NTN1: variants seen among roughly 807,000 people sequenced by gnomAD.
NTN1 encodes the protein netrin 1, also known as netrin-1.
In NTN1, 11 loss-of-function variants were observed where a neutral mutation model predicts 54.2. The observed-to-expected ratio is 0.20, with a 90% CI of 0.13 to 0.34. The LOEUF is 0.34. NTN1 is among the 10% of genes least tolerant of loss of function. NTN1 has a pLI of 1.00. For missense variants in NTN1, 740 were observed against 893.1 expected (o/e 0.83, Z 2.18); for synonymous variants, 371 against 382.0 (o/e 0.97, Z 0.33).
Position 9,180,201 on chromosome 17 carries a change from G to A in NTN1, c.1357+245G>A, listed in dbSNP as rs139152681. Among the ~76,000 whole-genome samples the A allele has an allele frequency of 4.1e-3, 629 of 152,332 alleles. 3 individuals carry two copies. The highest frequency in any genetic ancestry group is 6.8e-3 in the Middle Eastern group (2 of 294). ...TTACAGGCGCAAGCCTTCATGCCCC[G>A]CTGATTTTTGTCTTTTTAATAGAGA... On this transcript the variant is annotated intron_variant, in intron 4 of 6. Transcript: ENST00000173229.
intron 2 of NTN1, among the ~76,000 whole-genome samples, chr17:9,155,704 G>A (rs2092339909): frequency 1.3e-5 from 2 of 152,216 alleles, no homozygotes; most frequent in South Asian, 2.1e-4. Context: ...AGGCAAAGGG[G>A]ATTAAACATT....
chr17:9,114,482 T>C (rs2092204070), intron 2 of NTN1, among the ~76,000 whole-genome samples: 1 of 149,368 alleles, frequency 6.7e-6, no homozygotes, highest in South Asian at 2.1e-4. Context: ...GGCCGGGCAC[T>C]GTGGCTCACA....
rs1054305828 is a variant in NTN1, at chr17:9,166,843, C to T, written c.1207+3842C>T. Among the ~76,000 whole-genome samples, 5 of 152,264 alleles carry T rather than the reference C, an allele frequency of 3.3e-5. No homozygotes were observed. In the East Asian group the frequency reaches 5.8e-4, roughly 18 times the overall value. On this transcript the variant is annotated intron_variant, in intron 3 of 6. Transcript: ENST00000173229. ...ACTTTACAGGGCCTGGGCAGGGGGC[C>T]GAGGCCACCCATATGCTGCTGGTGA...
At chr17:9,044,587 T>A (rs1291619640) in intron 2 of NTN1, among the ~76,000 whole-genome samples, 2 of 152,118 alleles carry the variant, frequency 1.3e-5, no homozygotes, top group South Asian at 2.1e-4. Flanking sequence ...AATAATCTCA[T>A]GTGTATGTAA....
At chr17:9,170,128 A>G (rs929666683) in intron 3 of NTN1, among the ~76,000 whole-genome samples, 1 of 152,146 alleles carries the variant, frequency 6.6e-6, no homozygotes, top group African/African-American at 2.4e-5. Flanking sequence ...ACTTGGTGTT[A>G]TTCAGACCAC....
intron 5 of NTN1, among the ~76,000 whole-genome samples, chr17:9,220,912 C>T (rs1905324181): frequency 1.4e-5 from 1 of 73,486 alleles, no homozygotes; most frequent in South Asian, 5.3e-4. Context: ...TCACGGAGGC[C>T]AGGGTGGTTG....
At chr17:9,089,266 T>A (rs1263261684) in intron 2 of NTN1, among the ~76,000 whole-genome samples, 1 of 152,010 alleles carries the variant, frequency 6.6e-6, no homozygotes, top group Non-Finnish European at 1.5e-5. Context: ...TACAAAAAAG[T>A]TAGCCAGGTG....
chr17:9,191,182 C>T (rs891315973), intron 5 of NTN1, among the ~76,000 whole-genome samples: 13 of 152,118 alleles, frequency 8.5e-5, no homozygotes, highest in African/African-American at 3.1e-4. Context: ...TAAGCGGAGC[C>T]GGGCGTGGTG....
At chr17:9,009,333 C>T in the NTN1 span, among the ~76,000 whole-genome samples, 1 of 152,228 alleles carries the variant, frequency 6.6e-6, no homozygotes, top group Non-Finnish European at 1.5e-5. Flanking sequence ...CCCCATAAAG[C>T]AGGTGCTTGG....
chr17:9,230,525 A>G (rs936671749), intron 6 of NTN1, among the ~76,000 whole-genome samples: 1 of 150,130 alleles, frequency 6.7e-6, no homozygotes, highest in Non-Finnish European at 1.5e-5. Flanking sequence ...GAGGTCGTGG[A>G]ATGCGGGTGA....
intron 2 of NTN1, among the ~76,000 whole-genome samples, chr17:9,054,738 AG>A (rs2091973286): frequency 6.6e-6 from 1 of 151,860 alleles, no homozygotes; most frequent in Non-Finnish European, 1.5e-5. Context: ...GCTATGTTTC[AG>A]CCTGAGCCTC....
At chr17:9,189,738 A>AT (rs1431619276) in intron 5 of NTN1, among the ~76,000 whole-genome samples, 1 of 152,206 alleles carries the variant, frequency 6.6e-6, no homozygotes, top group African/African-American at 2.4e-5. Flanking sequence ...AAACTCAAGT[A>AT]TCCACTGAGG....
At chr17:9,116,424 G>A (rs939658481) in intron 2 of NTN1, among the ~76,000 whole-genome samples, 6 of 151,604 alleles carry the variant, frequency 4.0e-5, no homozygotes, top group African/African-American at 1.2e-4. Context: ...GTCTCTACTC[G>A]CTGTTTGTTT....
At chr17:9,086,906 CCATCAG>C (rs1475924226) in intron 2 of NTN1, among the ~76,000 whole-genome samples, 1 of 152,172 alleles carries the variant, frequency 6.6e-6, no homozygotes, top group Non-Finnish European at 1.5e-5. Context: ...TTCACCATCA[CCATCAG>C]CATCAGCACC....
Position 9,243,199 on chromosome 17 carries a change from T to TGGAAAGCAGGGCA in NTN1, c.*3235_*3247dup, listed in dbSNP as rs1239167960. On this transcript the variant is annotated 3_prime_UTR_variant, in exon 7 of 7. Transcript: ENST00000173229. ...GGTCTCTGCCCACTGCTTCTGTCCT[T>TGGAAAGCAGGGCA]GGAAAGCAGGGCAGGAGGCAGCATC... 2.6e-5 allele frequency: 4 copies of TGGAAAGCAGGGCA among 152,026 alleles called. No individual in the cohort carries two copies. The highest frequency in any genetic ancestry group is 9.7e-5 in the African/African-American group (4 of 41,376). The allele number at this position is 152,026 out of a possible 1,614,324, so 9.4% of individuals were successfully genotyped here.
the NTN1 span, among the ~76,000 whole-genome samples, chr17:9,003,474 G>GGCCGCGACCCCGGC: frequency 2.0e-5 from 3 of 150,952 alleles, no homozygotes; most frequent in Non-Finnish European, 4.4e-5. This position sits in a 1 kb window ranked among gnomAD's most constrained non-coding sequence, Gnocchi z 7.4. Context: ...GCCTGCTCCG[G>GGCCGCGACCCCGGC]GCCGCGACCC....
Position 9,096,079 on chromosome 17 carries a change from G to C in NTN1, c.1019-66734G>C, listed in dbSNP as rs552341001. Among the ~76,000 whole-genome samples the C allele has an allele frequency of 2.0e-5, 3 of 152,294 alleles. No individual in the cohort carries two copies. In the South Asian group the frequency reaches 6.2e-4, roughly 32 times the overall value. On this transcript the variant is annotated intron_variant, in intron 2 of 6. Transcript: ENST00000173229. The stretch of plus-strand genomic sequence containing the variant: ...CCCAAAATGCTGGGATTACAGGCGT[G>C]AGCAACTGCTTCCAGCCAAATCTTT...
intron 2 of NTN1, among the ~76,000 whole-genome samples, chr17:9,025,250 G>A (rs1054525143): frequency 6.6e-6 from 1 of 152,170 alleles, no homozygotes; most frequent in Non-Finnish European, 1.5e-5. Flanking sequence ...ATGTGGACAC[G>A]TAACCTGCGT....
chr17:9,139,746 T>C (rs1045424859), intron 2 of NTN1, among the ~76,000 whole-genome samples: 2 of 152,132 alleles, frequency 1.3e-5, no homozygotes, highest in Admixed American at 6.5e-5. Flanking sequence ...AAAAATGTAT[T>C]TACCATTATG....
Sources: gnomAD v4.1 joint callset for allele counts (sites outside exome capture counted in the v4.1 genomes callset) on GRCh38, gnomAD v4.1.1 for gene constraint, Gnocchi (gnomAD v3.1) non-coding constraint, MANE v1.5 for transcripts, NCBI Gene and HGNC (gene_info 2026-07-23, HGNC 2026-07-21) for gene names.